LRP1B: variants seen among roughly 807,000 people sequenced by gnomAD.
LRP1B encodes low-density lipoprotein receptor-related protein 1B.
Under a neutral mutation model 556.6 loss-of-function variants are expected in LRP1B, and 217 were observed. The ratio of observed to expected loss-of-function variants is 0.39; its 90% CI spans 0.35 to 0.44. The LOEUF is 0.44. Ranked by LOEUF, LRP1B falls within the 20% of genes least tolerant of loss-of-function variation. The pLI, the probability that LRP1B is intolerant of heterozygous loss-of-function variation, is 1.00. For synonymous variants in LRP1B, 2,047 were observed against 1,865.8 expected, an observed-to-expected ratio of 1.10 and a Z score of -2.50; for missense variants, 5,053 against 5,620.8, an observed-to-expected ratio of 0.90 and a Z score of 3.23.
rs72981093 is a variant in LRP1B, at chr2:141,065,895, A to C, written c.1014-3622T>G. Among the ~76,000 whole-genome samples the C allele has an allele frequency of 7.9e-3, 1,203 of 151,966 alleles. 8 individuals are homozygous for C. The highest frequency in any genetic ancestry group is 0.028 in the African/African-American group (1,146 of 41,478). On this transcript the variant is annotated intron_variant, in intron 7 of 90. Coordinates refer to ENST00000389484, the MANE Select transcript of LRP1B (RefSeq NM_018557.3). ...ACTCTCCCTGGAAAACTCATGGTAG[A>C]TTGTGGAGACCAGTCCCAATTCAGC...
intron 7 of LRP1B, among the ~76,000 whole-genome samples, chr2:141,117,912 A>T (rs758995476): frequency 5.5e-4 from 84 of 151,930 alleles, no homozygotes; most frequent in Non-Finnish European, 1.1e-3. Flanking sequence ...AAATACATTT[A>T]GACTTCCCTT....
intron 2 of LRP1B, among the ~76,000 whole-genome samples, chr2:141,538,670 T>A: frequency 1.4e-5 from 1 of 70,100 alleles, no homozygotes; most frequent in Non-Finnish European, 4.6e-5. Context: ...ACAGTCTCGC[T>A]CTGTCACCCA....
At chr2:140,909,282 G>T (rs1694348724) in intron 21 of LRP1B, among the ~76,000 whole-genome samples, 1 of 152,004 alleles carries the variant, frequency 6.6e-6, no homozygotes, top group South Asian at 2.1e-4. Context: ...AAAAATAAGT[G>T]GGGCAAATAC....
At chr2:140,521,103 G>C (rs921967357) in intron 49 of LRP1B, among the ~76,000 whole-genome samples, 13 of 151,978 alleles carry the variant, frequency 8.6e-5, no homozygotes, top group Non-Finnish European at 1.5e-5. Context: ...AGAAGAGAAA[G>C]TATGCAACTT....
intron 7 of LRP1B, among the ~76,000 whole-genome samples, chr2:141,104,267 G>A (rs1700548528): frequency 6.6e-6 from 1 of 151,902 alleles, no homozygotes; most frequent in Non-Finnish European, 1.5e-5. Flanking sequence ...AATAAAATTT[G>A]AATTTAAAAT....
intron 11 of LRP1B, among the ~76,000 whole-genome samples, chr2:141,044,008 G>A (rs1367906426): frequency 6.6e-6 from 1 of 151,904 alleles, no homozygotes; most frequent in African/African-American, 2.4e-5. Context: ...CACACTACCT[G>A]ACTTCAAACT....
At chr2:140,683,873 G>A in intron 41 of LRP1B, 1 of 567,934 alleles carries the variant, frequency 1.8e-6, no homozygotes, top group Middle Eastern at 5.5e-4. Context: ...CCCTGCGCCT[G>A]GGCCCTGGCA....
At position 140,656,820 on chromosome 2, in the gene LRP1B, A is replaced by C. The variant is rs887295531; in HGVS notation, c.6799+43430T>G. On this transcript the variant is annotated intron_variant, in intron 41 of 90. Transcript: ENST00000389484. ...AGGTTGGAGAAGCAGAGAGTTAAAA[A>C]AGCAAATGTTACTGACAAAACCACA... Among the ~76,000 whole-genome samples, 5 of 152,302 alleles carry C rather than the reference A, an allele frequency of 3.3e-5. No individual in the cohort carries two copies. In the East Asian group the frequency reaches 9.6e-4, roughly 29 times the overall value.
At chr2:141,610,952 A>G (rs2105322059) in intron 2 of LRP1B, among the ~76,000 whole-genome samples, 1 of 152,338 alleles carries the variant, frequency 6.6e-6, no homozygotes, top group East Asian at 1.9e-4. Flanking sequence ...AAGCTGCAGC[A>G]TTAGCACCAG....
chr2:141,519,839 A>G (rs1354201590), intron 2 of LRP1B, among the ~76,000 whole-genome samples: 2 of 152,164 alleles, frequency 1.3e-5, no homozygotes, highest in Admixed American at 1.3e-4. Flanking sequence ...AAATAGGATC[A>G]GCAGTGGAAT....
chr2:140,935,274 A>G (rs914988833), intron 20 of LRP1B, among the ~76,000 whole-genome samples: 18 of 152,246 alleles, frequency 1.2e-4, no homozygotes, highest in East Asian at 5.8e-4. Flanking sequence ...GAAAATGTGG[A>G]TAAAGTCAAG....
intron 35 of LRP1B, among the ~76,000 whole-genome samples, chr2:140,742,969 T>C (rs1166754988): frequency 6.6e-6 from 1 of 152,104 alleles, no homozygotes; most frequent in African/African-American, 2.4e-5. Context: ...CTGGGGGAAT[T>C]TGGGCAGTAA....
At chr2:141,194,896 T>G (rs942378032) in intron 6 of LRP1B, among the ~76,000 whole-genome samples, 1 of 152,072 alleles carries the variant, frequency 6.6e-6, no homozygotes, top group African/African-American at 2.4e-5. Flanking sequence ...AAGACTGCCC[T>G]TTAATTTATA....
chr2:142,074,600 A>G (rs1705434138), intron 1 of LRP1B, among the ~76,000 whole-genome samples: 1 of 152,034 alleles, frequency 6.6e-6, no homozygotes, highest in African/African-American at 2.4e-5. Flanking sequence ...ATATGTTTCC[A>G]GCTGGAAAAC....
chr2:140,699,259 C>T (rs1255899786), intron 41 of LRP1B, among the ~76,000 whole-genome samples: 1 of 151,848 alleles, frequency 6.6e-6, no homozygotes, highest in East Asian at 1.9e-4. Context: ...AAGATGAAGC[C>T]TCATGTAATA....
At chr2:140,911,825 C>T (rs1047362108) in intron 21 of LRP1B, among the ~76,000 whole-genome samples, 3 of 151,674 alleles carry the variant, frequency 2.0e-5, no homozygotes, top group African/African-American at 7.2e-5. Flanking sequence ...GATGGCATTC[C>T]CAACCACTGA....
chr2:141,294,448 T>C (rs1174830402), intron 3 of LRP1B, among the ~76,000 whole-genome samples: 2 of 152,038 alleles, frequency 1.3e-5, no homozygotes, highest in African/African-American at 4.8e-5. Context: ...ACAGGTTGGG[T>C]GCTGTGGCTC....
intron 20 of LRP1B, among the ~76,000 whole-genome samples, chr2:140,923,828 T>A (rs1694811190): frequency 6.6e-6 from 1 of 151,962 alleles, no homozygotes; most frequent in Non-Finnish European, 1.5e-5. Context: ...CCAAATCTGA[T>A]GATTAAAAAT....
intron 3 of LRP1B, among the ~76,000 whole-genome samples, chr2:141,331,524 C>G (rs1054325557): frequency 2.8e-5 from 1 of 35,806 alleles, no homozygotes; most frequent in Non-Finnish European, 7.5e-5. Flanking sequence ...CTTTCTTTCT[C>G]TTTCTTTCTT....
Sources: allele counts gnomAD v4.1 joint callset (sites outside exome capture counted in the v4.1 genomes callset), GRCh38; gene constraint gnomAD v4.1.1; transcripts MANE v1.5; gene names NCBI Gene and HGNC (gene_info 2026-07-23, HGNC 2026-07-21).